The following DAAM1 variants were observed in gnomAD, a reference collection of about 807,000 sequenced individuals.
The protein encoded by DAAM1 is dishevelled associated activator of morphogenesis 1.
Under a neutral mutation model 130.0 loss-of-function variants are expected in DAAM1, and 52 were observed. The ratio of observed to expected loss-of-function variants is 0.40; its 90% CI spans 0.32 to 0.50. The LOEUF (loss-of-function observed/expected upper bound fraction) is 0.50. Among genes scored for constraint, DAAM1 ranks in the 20% least tolerant of loss-of-function variants. The probability of loss-of-function intolerance (pLI) is 0.61; values close to 1 mark genes in which losing one functional copy is unlikely to be tolerated. For missense variants in DAAM1, 1,134 were observed against 1,303.8 expected (o/e 0.87, Z 2.01); for synonymous variants, 452 against 444.5 (o/e 1.02, Z -0.21).
intron 3 of DAAM1, among the ~76,000 whole-genome samples, chr14:59,298,057 TCTTAC>T (rs1884026543): frequency 6.6e-6 from 1 of 152,210 alleles, no homozygotes; most frequent in South Asian, 2.1e-4. Context: ...TTATTCTCCC[TCTTAC>T]CTTAAAATAG....
At chr14:59,288,062 A>G (rs1883542108) in intron 2 of DAAM1, among the ~76,000 whole-genome samples, 1 of 152,226 alleles carries the variant, frequency 6.6e-6, no homozygotes, top group South Asian at 2.1e-4. Context: ...TGGTACTGGT[A>G]TAAAAACAGA....
intron 1 of DAAM1, among the ~76,000 whole-genome samples, chr14:59,203,346 A>G (rs567863300): frequency 1.3e-5 from 2 of 152,036 alleles, no homozygotes; most frequent in Non-Finnish European, 2.9e-5. Context: ...TAATAGTGAC[A>G]TATTTGTGAA....
At position 59,243,734 on chromosome 14, in the gene DAAM1, T is replaced by C. The variant is rs140225988; in HGVS notation, c.-37-19707T>C. 1.6e-3 allele frequency among the ~76,000 whole-genome samples: 249 copies of C among 152,346 alleles called. 1 individual carries two copies. Among genetic ancestry groups the C allele is most frequent in the Non-Finnish European group, 2.7e-3 (185 of 68,022 alleles). Reference sequence around the variant, plus strand: ...CAGCAATCACTGGTCTGTAGTACCTTTGTCCAGTGACTGAATACAGCTGTT... The same window carrying C: ...CAGCAATCACTGGTCTGTAGTACCTCTGTCCAGTGACTGAATACAGCTGTT... On this transcript the variant is annotated intron_variant, in intron 1 of 24. Coordinates refer to ENST00000360909, the MANE Select transcript of DAAM1 (RefSeq NM_001270520.2).
At chr14:59,327,663 G>A (rs1885267333) in intron 12 of DAAM1, among the ~76,000 whole-genome samples, 1 of 151,990 alleles carries the variant, frequency 6.6e-6, no homozygotes, top group Admixed American at 6.6e-5. Flanking sequence ...CGCCTTGGCT[G>A]CCCAAAGTGC....
At chr14:59,278,545 A>G (rs1883071574) in intron 2 of DAAM1, among the ~76,000 whole-genome samples, 1 of 152,178 alleles carries the variant, frequency 6.6e-6, no homozygotes, top group African/African-American at 2.4e-5. Context: ...AAATGGCAGA[A>G]AGTGAATTCA....
rs533904764 is a variant in DAAM1 at position 59,196,636 on chromosome 14, C to G, written c.-38+7868C>G. On this transcript the variant is annotated intron_variant, in intron 1 of 24. Coordinates refer to ENST00000360909, the MANE Select transcript of DAAM1 (RefSeq NM_001270520.2). ...CGGGCGCCTGTAGTCCCAGCTACTC[C>G]GGAGGCTGAGGCAGGAGAATGGCGT... Among the ~76,000 whole-genome samples the G allele has an allele frequency of 4.9e-4, 75 of 151,774 alleles. 1 individual carries two copies. The South Asian group carries it at 7.9e-3, about 16-fold the overall frequency.
At chr14:59,249,243 G>A (rs1478198137) in intron 1 of DAAM1, among the ~76,000 whole-genome samples, 3 of 152,142 alleles carry the variant, frequency 2.0e-5, no homozygotes, top group Non-Finnish European at 2.9e-5. Context: ...CAAATTCCTG[G>A]CATCTTAGGT....
intron 2 of DAAM1, among the ~76,000 whole-genome samples, chr14:59,285,695 A>G (rs1883419282): frequency 6.6e-6 from 1 of 152,330 alleles, no homozygotes; most frequent in Admixed American, 6.5e-5. Flanking sequence ...GCATAATGAT[A>G]AAGGGCCCAA....
chr14:59,222,394 G>T (rs751596127), intron 1 of DAAM1, among the ~76,000 whole-genome samples: 28 of 152,192 alleles, frequency 1.8e-4, no homozygotes, highest in Non-Finnish European at 3.5e-4. Flanking sequence ...CTTCCTTGAT[G>T]GAAGAGGTCC....
Position 59,367,324 on chromosome 14 carries a change from A to G in DAAM1, c.2827-105A>G. ...GAAATAAAAATAAATGAGCAAACAAAACTTACGTTTGACTCAATCTGGGCT... is the reference window on the plus strand; with the variant it reads ...GAAATAAAAATAAATGAGCAAACAAGACTTACGTTTGACTCAATCTGGGCT... On this transcript the variant is annotated intron_variant, in intron 23 of 24. Coordinates refer to ENST00000360909, the MANE Select transcript of DAAM1 (RefSeq NM_001270520.2). 5 of 1,469,870 alleles carry G rather than the reference A, an allele frequency of 3.4e-6. No homozygotes were observed. The South Asian group carries it at 7.7e-5, about 23-fold the overall frequency. 91.1% of individuals were successfully genotyped at this position (1,469,870 alleles called of 1,614,324 possible).
At chr14:59,317,914 AC>A (rs1244523987) in intron 4 of DAAM1, among the ~76,000 whole-genome samples, 2 of 152,190 alleles carry the variant, frequency 1.3e-5, no homozygotes, top group Non-Finnish European at 2.9e-5. Context: ...AGCAAGCCTG[AC>A]TTTTCTGAGA....
At chr14:59,245,430 GATTACCAAGTGA>G (rs1232806283) in intron 1 of DAAM1, among the ~76,000 whole-genome samples, 7 of 152,138 alleles carry the variant, frequency 4.6e-5, no homozygotes, top group African/African-American at 1.7e-4. Flanking sequence ...AGGACCTTGA[GATTACCAAGTGA>G]ATTTATTCCT....
chr14:59,359,522 G>A lies in DAAM1; in HGVS notation c.2633+18G>A. ...AAAGTAAAGTAAGTACTTACAGTGA[G>A]TGTTAGTTTCTTAAATCACTTGGAT... On this transcript the variant is annotated intron_variant, in intron 21 of 24. Coordinates refer to ENST00000360909, the MANE Select transcript of DAAM1 (RefSeq NM_001270520.2). 6.3e-7 allele frequency: 1 copy of A among 1,578,630 alleles called. No individual in the cohort carries two copies. Among genetic ancestry groups the A allele is most frequent in the South Asian group, 1.1e-5 (1 of 90,162 alleles).
chr14:59,267,498 A>C (rs953640822), intron 2 of DAAM1, among the ~76,000 whole-genome samples: 1 of 152,142 alleles, frequency 6.6e-6, no homozygotes, highest in African/African-American at 2.4e-5. Context: ...TTAAAAAAAA[A>C]AACAAAAAAC....
At chr14:59,240,853 G>A (rs1463663172) in intron 1 of DAAM1, among the ~76,000 whole-genome samples, 1 of 152,216 alleles carries the variant, frequency 6.6e-6, no homozygotes, top group Non-Finnish European at 1.5e-5. Flanking sequence ...TGGATGGAGA[G>A]GCAGAACCAT....
chr14:59,291,172 A>G (rs1883725283), intron 2 of DAAM1, 45 bp from the exon 3 acceptor site: 3 of 1,486,348 alleles, frequency 2.0e-6, no homozygotes, highest in Non-Finnish European at 2.7e-6. Context: ...CTCTACAGGA[A>G]TAATGTTTAT....
chr14:59,302,257 G>A (rs1223550724), intron 3 of DAAM1, among the ~76,000 whole-genome samples: 8 of 152,176 alleles, frequency 5.3e-5, no homozygotes, highest in South Asian at 2.1e-4. Flanking sequence ...GGGGAACACC[G>A]GGCTGGAAGA....
chr14:59,305,193 C>T (rs564031921), intron 3 of DAAM1, among the ~76,000 whole-genome samples: 4 of 152,298 alleles, frequency 2.6e-5, no homozygotes, highest in African/African-American at 7.2e-5. Context: ...CTTTAGCACT[C>T]CATGGTGACA....
At chr14:59,332,283 G>A (rs1885473850) in intron 15 of DAAM1, among the ~76,000 whole-genome samples, 1 of 152,094 alleles carries the variant, frequency 6.6e-6, no homozygotes, top group African/African-American at 2.4e-5. Context: ...AGCTATTTTG[G>A]TTCATCTGAA....
Sources: gnomAD v4.1 joint callset for allele counts (sites outside exome capture counted in the v4.1 genomes callset) on GRCh38, gnomAD v4.1.1 for gene constraint, MANE v1.5 for transcripts, NCBI Gene and HGNC (gene_info 2026-07-23, HGNC 2026-07-21) for gene names.